The following VRK2 variants were observed in gnomAD, a reference collection of about 807,000 sequenced individuals.
VRK2 encodes the protein VRK serine/threonine kinase 2.
VRK2 carries 60 observed loss-of-function variants against 57.6 expected under a neutral mutation model. The ratio of observed to expected loss-of-function variants is 1.04; its 90% confidence interval spans 0.85 to 1.29. VRK2 has a LOEUF of 1.29. VRK2 is among the 50% of genes most tolerant of loss of function. The pLI is 0.00. For missense variants in VRK2, 705 were observed against 588.1 expected (o/e 1.20, Z -2.06); for synonymous variants, 231 against 199.2 (o/e 1.16, Z -1.35).
chr2:58,047,871 T>A (rs1287081337), intron 1 of VRK2, among the ~76,000 whole-genome samples: 1 of 152,208 alleles, frequency 6.6e-6, no homozygotes, highest in East Asian at 1.9e-4. Context: ...GATACTTTCT[T>A]TTATGGAAGC....
intron 2 of VRK2, among the ~76,000 whole-genome samples, chr2:58,051,741 C>T (rs1364611686): frequency 6.6e-6 from 1 of 152,124 alleles, no homozygotes; most frequent in Non-Finnish European, 1.5e-5. Flanking sequence ...CAGGGCCTTT[C>T]GGTAATCAGC....
intron 7 of VRK2, among the ~76,000 whole-genome samples, chr2:58,117,748 A>G (rs193068475): frequency 1.3e-5 from 2 of 152,180 alleles, no homozygotes; most frequent in Admixed American, 6.5e-5. Context: ...ATTGGGGTCA[A>G]GCGGCATTGC....
chr2:57,917,073 CAG>C (rs1351452624), intron 1 of VRK2, among the ~76,000 whole-genome samples: 1 of 152,098 alleles, frequency 6.6e-6, no homozygotes, highest in Non-Finnish European at 1.5e-5. Flanking sequence ...ATTAGGGAAA[CAG>C]ATATTATCCC....
At chr2:57,908,199 G>A (rs1220513550) in intron 1 of VRK2, among the ~76,000 whole-genome samples, 1 of 152,146 alleles carries the variant, frequency 6.6e-6, no homozygotes, top group Admixed American at 6.5e-5. Flanking sequence ...ATCGTATGTG[G>A]TTTTATCTTG....
At chr2:58,011,362 C>T (rs891836476) in intron 1 of VRK2, among the ~76,000 whole-genome samples, 2 of 152,102 alleles carry the variant, frequency 1.3e-5, no homozygotes, top group African/African-American at 4.8e-5. Flanking sequence ...TTTTGGGTTT[C>T]CACCACTTCT....
chr2:57,930,268 C>T (rs1439073741), intron 1 of VRK2, among the ~76,000 whole-genome samples: 1 of 152,166 alleles, frequency 6.6e-6, no homozygotes, highest in Non-Finnish European at 1.5e-5. Context: ...TCTCCTCTGG[C>T]TAGGGCTTGT....
intron 1 of VRK2, among the ~76,000 whole-genome samples, chr2:58,000,527 C>G (rs984894742): frequency 6.6e-6 from 1 of 152,148 alleles, no homozygotes; most frequent in African/African-American, 2.4e-5. Flanking sequence ...AAAAGACCAT[C>G]ATATAGAAAA....
intron 7 of VRK2, among the ~76,000 whole-genome samples, chr2:58,120,981 G>A (rs541343438): frequency 1.3e-5 from 2 of 152,296 alleles, no homozygotes; most frequent in African/African-American, 2.4e-5. Flanking sequence ...CTCTCCTATT[G>A]CAGTAGTCTC....
At chr2:58,154,948 G>T in intron 12 of VRK2, 4 of 483,390 alleles carry the variant, frequency 8.3e-6, no homozygotes, top group African/African-American at 2.0e-5. Flanking sequence ...TAATTCCCAA[G>T]TATCTGAAGA....
chr2:58,064,553 G>A (rs1193999509), intron 2 of VRK2, among the ~76,000 whole-genome samples: 1 of 152,098 alleles, frequency 6.6e-6, no homozygotes, highest in African/African-American at 2.4e-5. Flanking sequence ...ACAGTATAGT[G>A]TAAATATAAC....
At chr2:57,977,063 A>G (rs962628256) in intron 1 of VRK2, among the ~76,000 whole-genome samples, 1 of 152,042 alleles carries the variant, frequency 6.6e-6, no homozygotes, top group Non-Finnish European at 1.5e-5. Context: ...AACCTGCTCC[A>G]TTGGTCTATA....
intron 1 of VRK2, among the ~76,000 whole-genome samples, chr2:57,950,026 G>C (rs757081141): frequency 3.3e-5 from 5 of 152,340 alleles, no homozygotes; most frequent in Admixed American, 3.3e-4. Flanking sequence ...TGAAGAAGCT[G>C]TAGAAGAAAC....
At chr2:57,992,281 C>T (rs1337716692) in intron 1 of VRK2, among the ~76,000 whole-genome samples, 3 of 152,050 alleles carry the variant, frequency 2.0e-5, no homozygotes, top group Non-Finnish European at 4.4e-5. Flanking sequence ...GAGGAGAAAT[C>T]GTTCTAGAAA....
At chr2:57,944,837 A>G (rs531823472) in intron 1 of VRK2, among the ~76,000 whole-genome samples, 1 of 152,202 alleles carries the variant, frequency 6.6e-6, no homozygotes, top group South Asian at 2.1e-4. Context: ...TTTTTCAAGA[A>G]GATGAAGAAA....
rs1258715955 is a variant in VRK2, at chr2:57,915,594, AATG to A, written c.-439+7760_-439+7762del. On this transcript the variant is annotated intron_variant, in intron 1 of 15. Transcript: ENST00000417641. Reference sequence around the variant, plus strand: ...TCCCTACCAAAGCAGAAGATGGAACAATGATGACTAGAAATCTTCATGAACAAG... The same window carrying A: ...TCCCTACCAAAGCAGAAGATGGAACAATGACTAGAAATCTTCATGAACAAG... Among the ~76,000 whole-genome samples, 4 of 152,244 alleles carry A rather than the reference AATG, an allele frequency of 2.6e-5. No homozygotes were observed. The East Asian group carries it at 5.8e-4, about 22-fold the overall frequency.
intron 2 of VRK2, among the ~76,000 whole-genome samples, chr2:58,063,172 A>ATT (rs963885919): frequency 1.4e-5 from 2 of 140,320 alleles, no homozygotes. Context: ...TGGTTTACTG[A>ATT]TTTTTTTTTT....
chr2:58,072,786 T>C (rs1424322711), intron 2 of VRK2, among the ~76,000 whole-genome samples: 1 of 151,986 alleles, frequency 6.6e-6, no homozygotes, highest in Non-Finnish European at 1.5e-5. Context: ...ATTAGTTGAA[T>C]GTTCCTTTGC....
intron 4 of VRK2, among the ~76,000 whole-genome samples, chr2:58,085,923 TTTTTTTC>T (rs1671553377): frequency 2.1e-5 from 3 of 140,726 alleles, no homozygotes; most frequent in African/African-American, 9.0e-5. Context: ...ATTTCTGCTT[TTTTTTTC>T]TTTTTTTTTT....
chr2:58,028,584 T>C (rs534693580), intron 2 of VRK2, among the ~76,000 whole-genome samples: 77 of 152,042 alleles, frequency 5.1e-4, no homozygotes, highest in African/African-American at 1.8e-3. Context: ...ATGTTCTTTG[T>C]AGGGACATGG....
Sources: gnomAD v4.1 joint callset for allele counts (sites outside exome capture counted in the v4.1 genomes callset) on GRCh38, gnomAD v4.1.1 for gene constraint, MANE v1.5 for transcripts, NCBI Gene and HGNC (gene_info 2026-07-23, HGNC 2026-07-21) for gene names.